Variants in KSR2 observed in about 807,000 individuals in gnomAD.
KSR2 encodes the protein kinase suppressor of ras 2.
In KSR2, 25 loss-of-function variants were observed where a neutral mutation model predicts 107.8. The ratio of observed to expected loss-of-function variants is 0.23; its 90% CI spans 0.17 to 0.32. KSR2 has a LOEUF of 0.32. Among genes scored for constraint, KSR2 ranks in the 10% least tolerant of loss-of-function variants. The pLI, the probability that KSR2 is intolerant of heterozygous loss-of-function variation, is 1.00. For missense variants in KSR2, 887 were observed against 1,268.9 expected (o/e 0.70, Z 4.57); for synonymous variants, 480 against 507.0 (o/e 0.95, Z 0.71).
intron 3 of KSR2, among the ~76,000 whole-genome samples, chr12:117,832,787 C>T (rs1460528178): frequency 6.6e-6 from 1 of 152,232 alleles, no homozygotes; most frequent in Non-Finnish European, 1.5e-5. Flanking sequence ...TACTCCTAGG[C>T]TATGAAGCCA....
chr12:117,753,460 C>T (rs1253044711), intron 4 of KSR2, among the ~76,000 whole-genome samples: 1 of 152,118 alleles, frequency 6.6e-6, no homozygotes, highest in African/African-American at 2.4e-5. Flanking sequence ...GGTATATATA[C>T]ACTATGGAAT....
At chr12:117,650,712 T>C (rs929430174) in intron 5 of KSR2, among the ~76,000 whole-genome samples, 12 of 152,182 alleles carry the variant, frequency 7.9e-5, no homozygotes, top group African/African-American at 2.7e-4. Context: ...CCTTTGACCA[T>C]ATTTGGAGAC....
At chr12:117,498,102 C>G (rs1443684571) in intron 14 of KSR2, among the ~76,000 whole-genome samples, 2 of 152,134 alleles carry the variant, frequency 1.3e-5, no homozygotes, top group Non-Finnish European at 2.9e-5. Context: ...GCGCCAGGGT[C>G]CTACAGTGAG....
At chr12:117,676,180 T>A (rs1333923430) in intron 4 of KSR2, among the ~76,000 whole-genome samples, 1 of 152,122 alleles carries the variant, frequency 6.6e-6, no homozygotes, top group East Asian at 1.9e-4. Flanking sequence ...CAAGGGGATG[T>A]TTATTGAGAA....
intron 4 of KSR2, among the ~76,000 whole-genome samples, chr12:117,721,095 A>G (rs1405885843): frequency 6.6e-6 from 1 of 152,208 alleles, no homozygotes; most frequent in African/African-American, 2.4e-5. Context: ...ACTTCCAGGA[A>G]AATTTCTCCA....
At chr12:117,649,655 C>T (rs1318393454) in intron 5 of KSR2, among the ~76,000 whole-genome samples, 1 of 152,140 alleles carries the variant, frequency 6.6e-6, no homozygotes, top group Admixed American at 6.5e-5. Flanking sequence ...TCTCAGTTGC[C>T]TGCCTGGCCA....
chr12:117,925,993 T>C (rs1895504958), intron 1 of KSR2, among the ~76,000 whole-genome samples: 1 of 151,978 alleles, frequency 6.6e-6, no homozygotes, highest in Non-Finnish European at 1.5e-5. Flanking sequence ...GGTCAGGAGT[T>C]CAAGACCAGC....
At chr12:117,890,375 G>A (rs1322925708) in intron 1 of KSR2, among the ~76,000 whole-genome samples, 2 of 152,200 alleles carry the variant, frequency 1.3e-5, no homozygotes, top group Non-Finnish European at 2.9e-5. Context: ...CATGTCCACA[G>A]AGCACCAGAT....
At chr12:117,835,024 C>T (rs763844478) in intron 3 of KSR2, among the ~76,000 whole-genome samples, 1 of 152,114 alleles carries the variant, frequency 6.6e-6, no homozygotes, top group African/African-American at 2.4e-5. Context: ...GCATGAAAAT[C>T]GAACCCGAGA....
At chr12:117,729,596 C>T (rs1226873504) in intron 4 of KSR2, among the ~76,000 whole-genome samples, 2 of 152,102 alleles carry the variant, frequency 1.3e-5, no homozygotes, top group African/African-American at 4.8e-5. Flanking sequence ...CTCTCACGTT[C>T]ACTCCGTAAT....
At chr12:117,780,089 A>C (rs1384423540) in intron 3 of KSR2, among the ~76,000 whole-genome samples, 2 of 152,232 alleles carry the variant, frequency 1.3e-5, no homozygotes, top group Non-Finnish European at 2.9e-5. Context: ...TTTTACATGG[A>C]TTACAAGTTG....
intron 14 of KSR2, among the ~76,000 whole-genome samples, chr12:117,508,103 T>G (rs982376213): frequency 9.2e-5 from 14 of 152,236 alleles, no homozygotes; most frequent in Admixed American, 9.2e-4. Flanking sequence ...ATTTTAGTCC[T>G]GCTGCCTGTA....
At chr12:117,479,264 A>G (rs2137129644) in intron 16 of KSR2, among the ~76,000 whole-genome samples, 1 of 152,310 alleles carries the variant, frequency 6.6e-6, no homozygotes, top group East Asian at 1.9e-4. Flanking sequence ...ACAACTCTTA[A>G]TTGCATTTGG....
chr12:117,724,941 G>A (rs1418018168), intron 4 of KSR2, among the ~76,000 whole-genome samples: 2 of 152,144 alleles, frequency 1.3e-5, no homozygotes, highest in Non-Finnish European at 2.9e-5. Context: ...TAGACTGGAT[G>A]CTCTTGGGGC....
At chr12:117,919,736 A>G (rs1895285705) in intron 1 of KSR2, among the ~76,000 whole-genome samples, 2 of 152,366 alleles carry the variant, frequency 1.3e-5, no homozygotes, top group Non-Finnish European at 2.9e-5. Flanking sequence ...AGCCTTTAAG[A>G]ACCAGCATGG....
At chr12:117,597,569 G>A (rs957303220) in intron 5 of KSR2, among the ~76,000 whole-genome samples, 27 of 152,274 alleles carry the variant, frequency 1.8e-4, no homozygotes, top group East Asian at 5.8e-4. Context: ...TCATTCTTCC[G>A]GAGAGCCTCT....
intron 1 of KSR2, among the ~76,000 whole-genome samples, chr12:117,892,458 C>A (rs976235723): frequency 6.6e-6 from 1 of 152,152 alleles, no homozygotes; most frequent in Non-Finnish European, 1.5e-5. Flanking sequence ...TTGTCTCCAG[C>A]CTTTCAAGAT....
rs115038339 is a variant in KSR2 at position 117,730,118 on chromosome 12, A to C, written c.986+30893T>G. Reference sequence around the variant, plus strand: ...GCAGCCAAAGAAAATATGTCATTGAATAGGTGCGGCTATGTTCTAATAAAA... The same window carrying C: ...GCAGCCAAAGAAAATATGTCATTGACTAGGTGCGGCTATGTTCTAATAAAA... On this transcript the variant is annotated intron_variant, in intron 4 of 19. Coordinates refer to ENST00000339824, the MANE Select transcript of KSR2 (RefSeq NM_173598.6). Among the ~76,000 whole-genome samples, 239 of 152,330 alleles carry C rather than the reference A, an allele frequency of 1.6e-3. 1 individual carries two copies. Among genetic ancestry groups the C allele is most frequent in the African/African-American group, 5.6e-3 (234 of 41,578 alleles).
At chr12:117,553,905 C>G (rs967525462) in intron 9 of KSR2, among the ~76,000 whole-genome samples, 1 of 151,576 alleles carries the variant, frequency 6.6e-6, no homozygotes, top group African/African-American at 2.4e-5. Context: ...CCGTGTGATG[C>G]GTGCTTCCCT....
Sources: allele counts gnomAD v4.1 joint callset (sites outside exome capture counted in the v4.1 genomes callset), GRCh38; gene constraint gnomAD v4.1.1; transcripts MANE v1.5; gene names NCBI Gene and HGNC (gene_info 2026-07-23, HGNC 2026-07-21).